Variants in CDH8 observed in about 807,000 individuals in gnomAD.
CDH8 encodes cadherin 8, also known as cadherin-8.
A neutral mutation model predicts 68.1 loss-of-function variants in CDH8; 17 were observed. The ratio of observed to expected loss-of-function variants is 0.25; its 90% CI spans 0.17 to 0.37. The LOEUF (loss-of-function observed/expected upper bound fraction) is 0.37. Among genes scored for constraint, CDH8 ranks in the 10% least tolerant of loss-of-function variants. The pLI, the probability that CDH8 is intolerant of heterozygous loss-of-function variation, is 1.00. For missense variants in CDH8, 763 were observed against 999.3 expected (o/e 0.76, Z 3.19); for synonymous variants, 372 against 365.1 (o/e 1.02, Z -0.21).
rs571050081 is a variant in CDH8 at position 61,688,287 on chromosome 16, A to G, written c.1654+25554T>C. ...AACTCTGACACAAACCAAATATGTA[A>G]CCATATGGGCACATAGCCCTTGGAA... On this transcript the variant is annotated intron_variant, in intron 10 of 11. Transcript: ENST00000577390. 1.6e-4 allele frequency among the ~76,000 whole-genome samples: 24 copies of G among 152,054 alleles called. 1 individual carries two copies. The South Asian group carries it at 5.0e-3, about 32-fold the overall frequency.
At chr16:61,905,646 A>T (rs1348660451) in intron 2 of CDH8, among the ~76,000 whole-genome samples, 1 of 152,136 alleles carries the variant, frequency 6.6e-6, no homozygotes, top group East Asian at 1.9e-4. Flanking sequence ...CAAATTTTGG[A>T]GTTCATTTCT....
chr16:61,882,841 A>T (rs1163792040), intron 3 of CDH8, among the ~76,000 whole-genome samples: 2 of 152,220 alleles, frequency 1.3e-5, no homozygotes, highest in Non-Finnish European at 2.9e-5. Context: ...TTACCTATGT[A>T]ACAAACCTGC....
chr16:61,770,868 G>C (rs1454872244), intron 8 of CDH8, among the ~76,000 whole-genome samples: 1 of 151,916 alleles, frequency 6.6e-6, no homozygotes, highest in Non-Finnish European at 1.5e-5. Flanking sequence ...AAGTGCCTAG[G>C]ATAGGTGGGC....
chr16:61,790,712 C>T (rs1341812913), intron 7 of CDH8, among the ~76,000 whole-genome samples: 1 of 151,928 alleles, frequency 6.6e-6, no homozygotes, highest in Non-Finnish European at 1.5e-5. Context: ...ATAATCCTCC[C>T]ACTATAATTT....
intron 4 of CDH8, among the ~76,000 whole-genome samples, chr16:61,850,066 A>G (rs1343622999): frequency 1.3e-5 from 2 of 152,094 alleles, no homozygotes; most frequent in African/African-American, 4.8e-5. Context: ...TTGTGTTGCT[A>G]TAAAGGAATA....
chr16:61,957,411 G>T (rs1965004881), intron 2 of CDH8, among the ~76,000 whole-genome samples: 1 of 152,124 alleles, frequency 6.6e-6, no homozygotes, highest in African/African-American at 2.4e-5. Flanking sequence ...GAACACATTG[G>T]AAACGCTCTC....
At chr16:62,003,801 G>A (rs1182044864) in intron 2 of CDH8, among the ~76,000 whole-genome samples, 1 of 152,010 alleles carries the variant, frequency 6.6e-6, no homozygotes, top group East Asian at 1.9e-4. Context: ...TATGGAATGT[G>A]GTTATCCATC....
intron 5 of CDH8, among the ~76,000 whole-genome samples, chr16:61,821,532 G>A (rs1962215253): frequency 6.6e-6 from 1 of 152,026 alleles, no homozygotes; most frequent in South Asian, 2.1e-4. Flanking sequence ...AAGATGCAAT[G>A]TGTAACACAC....
chr16:61,957,136 G>C (rs1965001053), intron 2 of CDH8, among the ~76,000 whole-genome samples: 2 of 152,080 alleles, frequency 1.3e-5, no homozygotes, highest in African/African-American at 4.8e-5. Flanking sequence ...TACACAATCA[G>C]AGACTCAAGA....
rs201526114 is a variant in CDH8, at chr16:61,901,372, G to A, written c.354C>T (p.Ile118=). The part of the protein sequence containing the change: ...IFQINDVTGD[I]HAIKRLDREE... ...CCCGGTCAAGTCTTTTTATAGCATG[G>A]ATATCTCCAGTTACATCATTTATTT... Residue 118 remains isoleucine (I), a synonymous_variant, in exon 3 of 12, where the codon ATC becomes ATT. Coordinates refer to ENST00000577390, the MANE Select transcript of CDH8 (RefSeq NM_001796.5). The A allele has an allele frequency of 6.8e-6, 11 of 1,613,684 alleles. No individual in the cohort carries two copies. The African/African-American group carries it at 1.1e-4, about 16-fold the overall frequency.
chr16:61,712,104 T>C (rs886536715), intron 10 of CDH8, among the ~76,000 whole-genome samples: 7 of 151,764 alleles, frequency 4.6e-5, no homozygotes, highest in Middle Eastern at 3.2e-3. Context: ...AGTATTCTAT[T>C]ACAGGGTTTA....
chr16:61,848,704 C>G (rs375997802), intron 4 of CDH8, among the ~76,000 whole-genome samples: 1 of 152,042 alleles, frequency 6.6e-6, no homozygotes. Flanking sequence ...GGGTATACAT[C>G]TGTATATATT....
chr16:61,711,636 C>G (rs1380525654), intron 10 of CDH8: 2 of 151,594 alleles, frequency 1.3e-5, no homozygotes, highest in Non-Finnish European at 3.0e-5. Context: ...TGAAGCAAAA[C>G]TCATGGATTT....
chr16:61,653,430 C>A lies in CDH8; in HGVS notation c.*178G>T. ...CTCCACAAGATTTATAACCTCCTAACATATACTTTTTTATTTTATTATCTT... is the reference window on the plus strand; with the variant it reads ...CTCCACAAGATTTATAACCTCCTAAAATATACTTTTTTATTTTATTATCTT... On this transcript the variant is annotated 3_prime_UTR_variant, in exon 12 of 12. Transcript: ENST00000577390. 2 of 1,411,002 alleles carry A rather than the reference C, an allele frequency of 1.4e-6. No individual in the cohort carries two copies. The highest frequency in any genetic ancestry group is 1.8e-6 in the Non-Finnish European group (2 of 1,084,990). The allele number at this position is 1,411,002 out of a possible 1,614,324, so 87.4% of individuals were successfully genotyped here.
intron 2 of CDH8, chr16:61,934,118 T>C (rs1024177073): frequency 3.3e-5 from 5 of 152,152 alleles, no homozygotes; most frequent in African/African-American, 1.2e-4. Flanking sequence ...ACAGAAGCAC[T>C]GAGTGGTTCC....
intron 4 of CDH8, among the ~76,000 whole-genome samples, chr16:61,835,154 T>C (rs148378644): frequency 7.2e-5 from 11 of 152,034 alleles, no homozygotes; most frequent in African/African-American, 1.9e-4. Context: ...TTAACCTCTA[T>C]ATGCCCTGCC....
At position 61,653,857 on chromosome 16, in the gene CDH8, A is replaced by G. The variant is rs1596832731; in HGVS notation, c.2151T>C (p.Asn717=). Reference sequence around the variant, plus strand: ...TTATAAATTCATCGACATCAACACCATTTGGAACTGGAGCAAGCCCTTGCC... The same window carrying G: ...TTATAAATTCATCGACATCAACACCGTTTGGAACTGGAGCAAGCCCTTGCC... The part of the protein sequence containing the change: ...MPRQGLAPVP[N]GVDVDEFINV... The change falls in exon 12 of 12, where the codon AAT becomes AAC. Residue 717 remains asparagine, a synonymous_variant. Coordinates refer to ENST00000577390, the MANE Select transcript of CDH8 (RefSeq NM_001796.5). 6.2e-7 allele frequency: 1 copy of G among 1,614,068 alleles called. No individual in the cohort carries two copies. Among genetic ancestry groups the G allele is most frequent in the Non-Finnish European group, 8.5e-7 (1 of 1,180,038 alleles).
At position 61,821,057 on chromosome 16, in the gene CDH8, C is replaced by A; in HGVS notation, c.892G>T (p.Val298Leu). The A allele has an allele frequency of 1.2e-6, 2 of 1,612,754 alleles. No individual in the cohort carries two copies. The highest frequency in any genetic ancestry group is 1.7e-6 in the Non-Finnish European group (2 of 1,179,188). Reference sequence around the variant, plus strand: ...CCAATATCCTGATCATTGGCCTTCACCCTTCCTATTGCAGTGCCAAGAACC... The same window carrying A: ...CCAATATCCTGATCATTGGCCTTCAACCTTCCTATTGCAGTGCCAAGAACC... Reference protein sequence around the residue: ...DVVLGTAIGRVKANDQDIGEN... With the variant: ...DVVLGTAIGRLKANDQDIGEN... Residue 298 changes from valine (V) to leucine (L), a missense_variant, in exon 6 of 12, where the codon GTG becomes TTG. Val to Leu is a conservative substitution (Grantham distance 32). Coordinates refer to ENST00000577390, the MANE Select transcript of CDH8 (RefSeq NM_001796.5).
intron 2 of CDH8, among the ~76,000 whole-genome samples, chr16:62,014,136 A>G (rs1253043333): frequency 6.6e-6 from 1 of 152,208 alleles, no homozygotes. Context: ...GCTCATGAAC[A>G]AACTAAGCTA....
Sources: allele counts gnomAD v4.1 joint callset (sites outside exome capture counted in the v4.1 genomes callset), GRCh38; gene constraint gnomAD v4.1.1; transcripts MANE v1.5; gene names NCBI Gene and HGNC (gene_info 2026-07-23, HGNC 2026-07-21).